Variants in ATP2B3 observed in about 807,000 individuals in gnomAD.
ATP2B3 encodes the protein ATPase plasma membrane Ca2+ transporting 3.
In ATP2B3, 12 loss-of-function variants were observed where a neutral mutation model predicts 70.8. The ratio of observed to expected loss-of-function variants is 0.17; its 90% confidence interval spans 0.11 to 0.27. The LOEUF is 0.27. ATP2B3 is among the 10% of genes least tolerant of loss of function. The pLI is 1.00. For synonymous variants in ATP2B3, 460 were observed against 497.8 expected (o/e 0.92, Z 1.01); for missense variants, 858 against 1,118.5 (o/e 0.77, Z 3.32).
chrX:153,577,202 G>A (rs782534020), intron 21 of ATP2B3, among the ~76,000 whole-genome samples: 2 of 113,216 alleles, frequency 1.8e-5, no homozygotes, highest in African/African-American at 6.4e-5. Context: ...GGAGGGGCAC[G>A]CTGGAGTAGC....
intron 7 of ATP2B3, among the ~76,000 whole-genome samples, chrX:153,543,610 G>A (rs1557007657): frequency 8.9e-6 from 1 of 112,777 alleles, no homozygotes; most frequent in Non-Finnish European, 1.9e-5. Flanking sequence ...CAGCCCAACT[G>A]TGGGTGGTGG....
intron 8 of ATP2B3, 38 bp downstream of exon 8, chrX:153,546,167 G>T (rs782454334): frequency 2.5e-6 from 3 of 1,207,953 alleles, no homozygotes; most frequent in Non-Finnish European, 3.4e-6. Flanking sequence ...CAAGCTTGGA[G>T]CCCTGGGGGT....
chrX:153,572,926 C>T (rs1308245685), intron 21 of ATP2B3, among the ~76,000 whole-genome samples: 3 of 112,445 alleles, frequency 2.7e-5, no homozygotes, highest in African/African-American at 9.7e-5. Context: ...TTGGAAAGCC[C>T]CATCAAAGCC....
In ATP2B3 at chrX:153,548,705, G is replaced by T; in HGVS notation, c.1189G>T (p.Val397Leu). The T allele has an allele frequency of 8.3e-7, 1 of 1,211,430 alleles. No homozygotes were observed. The highest frequency in any genetic ancestry group is 1.1e-6 in the Non-Finnish European group (1 of 895,481). The change falls in exon 10 of 22, where the codon GTG (valine) becomes TTG (leucine). Residue 397 changes from valine (V) to leucine (L), a missense_variant. Around this residue, in one of 5 missense-constraint regions of ATP2B3, gnomAD observed 278 missense variants for 366.2 expected, o/e 0.76. Coordinates refer to ENST00000263519, the MANE Select transcript of ATP2B3 (RefSeq NM_001001344.3). ...VLYFVIETFV[V>L]EGRTWLAECT... ...CTACTTTGTGATTGAGACGTTTGTC[G>T]TGGAAGGCCGGACATGGCTGGCAGA...
intron 5 of ATP2B3, 57 bp from the exon 6 acceptor site, chrX:153,542,266 C>G: frequency 8.3e-7 from 1 of 1,201,116 alleles, no homozygotes; most frequent in Non-Finnish European, 1.1e-6. Context: ...GGGACCTCCC[C>G]TGGGGCAGCC....
Position 153,541,245 on chromosome X carries a change from G to A in ATP2B3, c.209-114G>A, listed in dbSNP as rs781979128. On this transcript the variant is annotated intron_variant, in intron 3 of 21. Coordinates refer to ENST00000263519, the MANE Select transcript of ATP2B3 (RefSeq NM_001001344.3). ...CAGGCGCTGGCCAGACGGCCCCAGA[G>A]GGCTGCTGCCACCCCAGGAGCAGTC... is the stretch of plus-strand genomic sequence containing the variant. The A allele has an allele frequency of 1.4e-4, 136 of 938,842 alleles. 1 individual carries two copies. In the South Asian group the frequency reaches 2.6e-3, roughly 18 times the overall value. The allele number at this position is 938,842 out of a possible 1,213,427, so 77.4% of individuals were successfully genotyped here. A position where few individuals can be genotyped will look rare whatever the true frequency, so the allele number is the denominator to read the frequency against.
At chrX:153,523,795 G>A (rs1286534315) in intron 2 of ATP2B3, among the ~76,000 whole-genome samples, 7 of 100,358 alleles carry the variant, frequency 7.0e-5, no homozygotes, top group African/African-American at 2.6e-4. Context: ...TCCAGGGTTC[G>A]AGCCATTCTC....
rs781834324 is a variant in ATP2B3 at position 153,542,339 on chromosome X, C to T, written c.681C>T (p.Ala227=). 4 of 1,211,097 alleles carry T rather than the reference C, an allele frequency of 3.3e-6. No homozygotes were observed. Among genetic ancestry groups the T allele is most frequent in the East Asian group, 3.0e-5 (1 of 33,823 alleles). ...AQVKYGDLLP[A]DGVLIQANDL... is the part of the protein sequence containing the mutation. The stretch of plus-strand genomic sequence containing the variant: ...GTGCTCTAGGCGACCTGCTGCCAGC[C>T]GACGGCGTGCTCATCCAGGCCAATG... Residue 227 remains alanine (A), a synonymous_variant, in exon 6 of 22, where the codon GCC becomes GCT. Transcript: ENST00000263519.
chrX:153,524,663 A>T (rs542274802), intron 2 of ATP2B3, among the ~76,000 whole-genome samples: 1 of 111,411 alleles, frequency 9.0e-6, no homozygotes, highest in Non-Finnish European at 1.9e-5. Flanking sequence ...ACGCACTGAC[A>T]CTGGTCTGCA....
intron 10 of ATP2B3, among the ~76,000 whole-genome samples, chrX:153,549,157 G>A (rs956509704): frequency 2.0e-5 from 2 of 99,886 alleles, no homozygotes; most frequent in Admixed American, 1.1e-4. Flanking sequence ...CAGAGGGCCC[G>A]GGACACTGGG....
chrX:153,562,655 A>G (rs2090641688), intron 20 of ATP2B3, among the ~76,000 whole-genome samples: 1 of 112,287 alleles, frequency 8.9e-6, no homozygotes, highest in Non-Finnish European at 1.9e-5. Context: ...AGAGAGTCCC[A>G]CATCGAGCTC....
At chrX:153,559,694 C>T (rs369889572) in intron 17 of ATP2B3, 35 bp from the exon 18 acceptor site, 10 of 1,176,662 alleles carry the variant, frequency 8.5e-6, no homozygotes, top group South Asian at 5.4e-5. Context: ...CCCGGGCAGG[C>T]GGCCCATGGA....
At chrX:153,545,232 T>C (rs1261510601) in intron 7 of ATP2B3, among the ~76,000 whole-genome samples, 2 of 113,394 alleles carry the variant, frequency 1.8e-5, no homozygotes, top group Non-Finnish European at 3.7e-5. Context: ...AGCCCCTGGA[T>C]AGGGCCACTT....
At position 153,541,342 on chromosome X, in the gene ATP2B3, T is replaced by A; in HGVS notation, c.209-17T>A. 1 of 1,211,536 alleles carries A rather than the reference T, an allele frequency of 8.3e-7. No individual in the cohort carries two copies. The highest frequency in any genetic ancestry group is 1.1e-6 in the Non-Finnish European group (1 of 895,359). On this transcript the variant is annotated splice_polypyrimidine_tract_variant and intron_variant, in intron 3 of 21. Coordinates refer to ENST00000263519, the MANE Select transcript of ATP2B3 (RefSeq NM_001001344.3). Reference sequence around the variant, plus strand: ...CCATCCCATCCTCCCCTTCTGTGCTTCCGGGGCACCATGCAGGCCTGGCGG... The same window carrying A: ...CCATCCCATCCTCCCCTTCTGTGCTACCGGGGCACCATGCAGGCCTGGCGG...
intron 2 of ATP2B3, among the ~76,000 whole-genome samples, chrX:153,525,135 G>A (rs1183204643): frequency 8.9e-6 from 1 of 112,284 alleles, no homozygotes; most frequent in Non-Finnish European, 1.9e-5. Flanking sequence ...ACAAGAGAGC[G>A]CGGGAGATTG....
chrX:153,553,329 C>A (rs1353218381), intron 13 of ATP2B3, 60 bp downstream of exon 13: 4 of 1,057,523 alleles, frequency 3.8e-6, no homozygotes, highest in Non-Finnish European at 1.3e-6. Context: ...CGAGCTTGTC[C>A]GGACTGGTAG....
chrX:153,533,136 G>A (rs1029919312), intron 2 of ATP2B3: 11 of 111,487 alleles, frequency 9.9e-5, no homozygotes, highest in Admixed American at 9.5e-4. Flanking sequence ...CCAGGCCCCC[G>A]GCCACATGCG....
intron 2 of ATP2B3, among the ~76,000 whole-genome samples, chrX:153,534,193 G>T (rs1489082429): frequency 1.8e-5 from 2 of 110,839 alleles, no homozygotes; most frequent in Non-Finnish European, 3.8e-5. Flanking sequence ...AGGTCCTGGG[G>T]TGGGGAGGGG....
intron 21 of ATP2B3, among the ~76,000 whole-genome samples, chrX:153,567,700 G>A (rs1224322576): frequency 9.0e-6 from 1 of 111,507 alleles, no homozygotes; most frequent in Non-Finnish European, 1.9e-5. Context: ...TCCAATTGTC[G>A]GTGCTCACAG....
Sources: allele counts gnomAD v4.1 joint callset (sites outside exome capture counted in the v4.1 genomes callset), GRCh38; gene constraint gnomAD v4.1.1; regional missense constraint gnomAD v4.1.1; transcripts MANE v1.5; gene names NCBI Gene and HGNC (gene_info 2026-07-23, HGNC 2026-07-21).